Variants in UGGT1 observed in about 807,000 individuals in gnomAD.
The protein encoded by UGGT1 is UDP-glucose glycoprotein glucosyltransferase 1.
UGGT1 carries 107 observed loss-of-function variants against 203.9 expected under a neutral mutation model. That is an observed-to-expected ratio of 0.52 (90% CI 0.45 to 0.62). The LOEUF is 0.62. Ranked by LOEUF, UGGT1 falls within the 20% of genes least tolerant of loss-of-function variation. UGGT1 has a pLI of 0.00. For synonymous variants in UGGT1, 628 were observed against 653.5 expected, an observed-to-expected ratio of 0.96 and a Z score of 0.59; for missense variants, 1,673 against 1,867.2, an observed-to-expected ratio of 0.90 and a Z score of 1.92.
chr2:128,151,068 C>T (rs113642485), intron 18 of UGGT1: 10 of 252,484 alleles, frequency 4.0e-5, no homozygotes, highest in African/African-American at 2.1e-4. Flanking sequence ...CTAGGCTGGT[C>T]TTGAACTCCT....
chr2:128,140,781 A>C (rs1689382456), intron 16 of UGGT1, among the ~76,000 whole-genome samples: 1 of 152,012 alleles, frequency 6.6e-6, no homozygotes, highest in African/African-American at 2.4e-5. Flanking sequence ...GCCCTAAGTG[A>C]TCCTCCTGCC....
intron 2 of UGGT1, among the ~76,000 whole-genome samples, chr2:128,102,816 A>G (rs576751529): frequency 3.9e-5 from 6 of 152,216 alleles, no homozygotes; most frequent in African/African-American, 1.4e-4. Flanking sequence ...TATCTTGTGA[A>G]TGTGCCTTTA....
At chr2:128,162,906 T>C (rs1690596853) in intron 25 of UGGT1, among the ~76,000 whole-genome samples, 1 of 152,218 alleles carries the variant, frequency 6.6e-6, no homozygotes, top group South Asian at 2.1e-4. Flanking sequence ...GCCAAAAGAC[T>C]AATGCTAAAA....
intron 37 of UGGT1, among the ~76,000 whole-genome samples, chr2:128,182,791 A>G (rs932698401): frequency 2.0e-5 from 3 of 151,212 alleles, no homozygotes; most frequent in Non-Finnish European, 2.9e-5. Flanking sequence ...ATAACCTCCC[A>G]ACTTATTGAC....
rs747592117 is a variant in UGGT1 at position 128,133,169 on chromosome 2, G to A, written c.1406G>A (p.Arg469Lys). The A allele has an allele frequency of 3.1e-6, 5 of 1,614,004 alleles. No homozygotes were observed. Among genetic ancestry groups the A allele is most frequent in the Admixed American group, 1.7e-5 (1 of 59,994 alleles). The change falls in exon 14 of 41, where the codon AGA (arginine) becomes AAA (lysine). Residue 469 changes from arginine (R) to lysine (K), a missense_variant. Around this residue, in one of 4 missense-constraint regions of UGGT1, gnomAD observed 1,073 missense variants for 1,078.7 expected, o/e 0.99. Coordinates refer to ENST00000259253, the MANE Select transcript of UGGT1 (RefSeq NM_020120.4). ...GTCAACAACCTGGAGGTTGATAGCA[G>A]ATATAATTCGTGGCCTTCTAGTTTA... is the stretch of plus-strand genomic sequence containing the variant. Reference protein sequence around the residue: ...SWVNNLEVDSRYNSWPSSLQE... With the variant: ...SWVNNLEVDSKYNSWPSSLQE...
intron 2 of UGGT1, among the ~76,000 whole-genome samples, chr2:128,100,871 C>A (rs1209421528): frequency 6.6e-6 from 1 of 152,186 alleles, no homozygotes; most frequent in Non-Finnish European, 1.5e-5. Context: ...CTAAAATTGC[C>A]AGCCCTAATT....
At chr2:128,169,715 T>G (rs1690997343) in intron 26 of UGGT1, among the ~76,000 whole-genome samples, 1 of 152,226 alleles carries the variant, frequency 6.6e-6, no homozygotes, top group African/African-American at 2.4e-5. Context: ...AGAGGATGCT[T>G]GTTGTGTAAC....
chr2:128,172,795 A>G (rs1691178329), intron 29 of UGGT1, 33 bp downstream of exon 29: 1 of 1,582,706 alleles, frequency 6.3e-7, no homozygotes. Flanking sequence ...CAAATACCTA[A>G]TCATGTATAA....
intron 14 of UGGT1, 73 bp from the exon 15 acceptor site, chr2:128,134,803 C>T (rs148775945): frequency 9.3e-5 from 127 of 1,367,678 alleles, no homozygotes; most frequent in Admixed American, 2.3e-4. Context: ...TACAGTGACT[C>T]ATAACATTTT....
chr2:128,135,850 A>G (rs1235712900), intron 15 of UGGT1, among the ~76,000 whole-genome samples: 5 of 152,242 alleles, frequency 3.3e-5, no homozygotes, highest in Admixed American at 3.3e-4. Context: ...GAGGGTTCTG[A>G]TAGTTGGAAA....
chr2:128,104,434 C>G (rs1687513085), intron 3 of UGGT1, among the ~76,000 whole-genome samples: 1 of 152,126 alleles, frequency 6.6e-6, no homozygotes, highest in Non-Finnish European at 1.5e-5. Flanking sequence ...TTCCATTATG[C>G]CTGCCAGCCA....
chr2:128,141,578 C>T (rs997475225), intron 16 of UGGT1, among the ~76,000 whole-genome samples: 1 of 151,970 alleles, frequency 6.6e-6, no homozygotes, highest in Non-Finnish European at 1.5e-5. Context: ...GCACTCCAGC[C>T]TGGGTGACGA....
At chr2:128,159,899 T>C (rs1690442613) in intron 23 of UGGT1, among the ~76,000 whole-genome samples, 179 bp downstream of exon 23, 1 of 152,218 alleles carries the variant, frequency 6.6e-6, no homozygotes, top group African/African-American at 2.4e-5. Flanking sequence ...CTAGCTTTCA[T>C]GTGGTGCATG....
At chr2:128,147,931 T>A (rs1341640852) in intron 18 of UGGT1, among the ~76,000 whole-genome samples, 1 of 152,230 alleles carries the variant, frequency 6.6e-6, no homozygotes, top group Non-Finnish European at 1.5e-5. Flanking sequence ...TTAATAATTT[T>A]GTTTTTGACA....
In UGGT1 at chr2:128,143,083, T is replaced by C. The variant is rs1689516756; in HGVS notation, c.1720-11T>C. ...AAAGTGTAGTTAACCAACTGTTTTT[T>C]CTTTCTTCAGATCTATAACAAGGTG... On this transcript the variant is annotated splice_polypyrimidine_tract_variant and intron_variant, in intron 16 of 40. Transcript: ENST00000259253. 1.3e-6 allele frequency: 2 copies of C among 1,576,092 alleles called. No homozygotes were observed. Among genetic ancestry groups the C allele is most frequent in the African/African-American group, 2.7e-5 (2 of 72,904 alleles).
At chr2:128,110,644 C>T (rs572966721) in intron 5 of UGGT1, among the ~76,000 whole-genome samples, 35 of 152,298 alleles carry the variant, frequency 2.3e-4, no homozygotes, top group South Asian at 1.7e-3. Context: ...AAAAGAACAA[C>T]GGTGTCTCCT....
chr2:128,160,978 T>C (rs1239145060), intron 24 of UGGT1, among the ~76,000 whole-genome samples, 160 bp from the exon 25 acceptor site: 4 of 152,230 alleles, frequency 2.6e-5, no homozygotes, highest in African/African-American at 4.8e-5. Flanking sequence ...GGGCTTCACT[T>C]TGTATTATTT....
intron 33 of UGGT1, among the ~76,000 whole-genome samples, chr2:128,178,178 T>A (rs34059016): frequency 0.035 from 5,271 of 152,324 alleles, 124 homozygotes; most frequent in Non-Finnish European, 0.053. Context: ...CTTTGGAAAT[T>A]TGACTGCTCC....
chr2:128,151,691 G>A (rs1051154605), intron 18 of UGGT1, among the ~76,000 whole-genome samples: 2 of 152,134 alleles, frequency 1.3e-5, no homozygotes, highest in Admixed American at 6.5e-5. Context: ...GGGCAATGTG[G>A]TGAAACCCCA....
Sources: allele counts gnomAD v4.1 joint callset (sites outside exome capture counted in the v4.1 genomes callset), GRCh38; gene constraint gnomAD v4.1.1; regional missense constraint gnomAD v4.1.1; transcripts MANE v1.5; gene names NCBI Gene and HGNC (gene_info 2026-07-23, HGNC 2026-07-21).